IL19: variants seen among roughly 807,000 people sequenced by gnomAD.
The protein encoded by IL19 is interleukin 19.
IL19 carries 15 observed loss-of-function variants against 19.5 expected under a neutral mutation model. That is an observed-to-expected ratio of 0.77 (90% CI 0.52 to 1.19). The LOEUF is 1.19. IL19 is among the 50% of genes most tolerant of loss of function. IL19 has a pLI of 0.00. For missense variants in IL19, 199 were observed against 213.1 expected (o/e 0.93, Z 0.41); for synonymous variants, 78 against 78.3 (o/e 1.00, Z 0.02).
At chr1:206,804,850 C>G (rs1422800597) in intron 2 of IL19, among the ~76,000 whole-genome samples, 2 of 152,212 alleles carry the variant, frequency 1.3e-5, no homozygotes, top group East Asian at 3.8e-4. Flanking sequence ...GCAGCTGTAT[C>G]TTTCAAGGAT....
chr1:206,836,638 C>A (rs1156245160), intron 2 of IL19, 23 bp from the exon 3 acceptor site: 1 of 1,582,504 alleles, frequency 6.3e-7, no homozygotes. Context: ...GGCTGGACAG[C>A]TGACTTCCTC....
chr1:206,773,730 A>G (rs1674921842), intron 1 of IL19, among the ~76,000 whole-genome samples: 1 of 151,984 alleles, frequency 6.6e-6, no homozygotes, highest in South Asian at 2.1e-4. Flanking sequence ...ATATCTGGAA[A>G]GTCTCTGGGG....
chr1:206,834,390 C>T, intron 2 of IL19: 1 of 985,676 alleles, frequency 1.0e-6, no homozygotes, highest in Non-Finnish European at 1.2e-6. Flanking sequence ...CCCGCAAGCA[C>T]CAAGTGAGAG....
chr1:206,783,090 C>G (rs1174563334), intron 1 of IL19, among the ~76,000 whole-genome samples: 3 of 152,136 alleles, frequency 2.0e-5, no homozygotes, highest in South Asian at 4.1e-4. Flanking sequence ...CTCTGGTGAA[C>G]TTAGAAATCA....
intron 1 of IL19, among the ~76,000 whole-genome samples, chr1:206,784,062 A>G (rs923401437): frequency 3.3e-5 from 5 of 152,198 alleles, no homozygotes; most frequent in Admixed American, 6.5e-5. Context: ...TTCAACTCCA[A>G]TATTCTGAGG....
chr1:206,835,701 A>G (rs1482768986), intron 2 of IL19, among the ~76,000 whole-genome samples: 2 of 152,280 alleles, frequency 1.3e-5, no homozygotes, highest in African/African-American at 4.8e-5. Flanking sequence ...TGCAAAGTGC[A>G]TAGCAGAGGG....
intron 5 of IL19, 102 bp downstream of exon 5, chr1:206,840,104 C>G (rs1676954390): frequency 7.6e-7 from 1 of 1,313,194 alleles, no homozygotes; most frequent in African/African-American, 1.4e-5. Context: ...TGCTTGGAGT[C>G]AAAGGAAATT....
intron 2 of IL19, among the ~76,000 whole-genome samples, chr1:206,819,724 CT>C (rs1676247960): frequency 6.6e-6 from 1 of 152,146 alleles, no homozygotes; most frequent in Non-Finnish European, 1.5e-5. Flanking sequence ...TTTTGGATAG[CT>C]TTTTCCTGGG....
chr1:206,817,702 T>C (rs1676193211), intron 2 of IL19, among the ~76,000 whole-genome samples: 1 of 151,754 alleles, frequency 6.6e-6, no homozygotes, highest in Non-Finnish European at 1.5e-5. Context: ...TTAAAGTAGA[T>C]AAAACTTCAC....
At chr1:206,779,676 T>G (rs1675085687) in intron 1 of IL19, among the ~76,000 whole-genome samples, 1 of 152,162 alleles carries the variant, frequency 6.6e-6, no homozygotes, top group Non-Finnish European at 1.5e-5. Context: ...CCACTTTCCC[T>G]CTCTTGGTCA....
chr1:206,813,557 C>T (rs1457919996), intron 2 of IL19, among the ~76,000 whole-genome samples: 2 of 152,180 alleles, frequency 1.3e-5, no homozygotes, highest in Non-Finnish European at 2.9e-5. Context: ...CAAGCAATGC[C>T]TCTTACAGAT....
chr1:206,832,915 C>A (rs971735263), intron 2 of IL19, among the ~76,000 whole-genome samples: 6 of 152,226 alleles, frequency 3.9e-5, no homozygotes, highest in African/African-American at 1.2e-4. Flanking sequence ...AGGCCCTGAT[C>A]TTTCCTGTCC....
intron 2 of IL19, among the ~76,000 whole-genome samples, chr1:206,824,418 G>T (rs1472857521): frequency 2.6e-5 from 4 of 152,248 alleles, no homozygotes; most frequent in African/African-American, 9.6e-5. Flanking sequence ...TGAATGAGAA[G>T]AGTATTGGTG....
intron 1 of IL19, 76 bp downstream of exon 1, chr1:206,771,154 CG>C (rs1175010475): frequency 4.3e-6 from 6 of 1,410,672 alleles, no homozygotes; most frequent in Non-Finnish European, 6.0e-6. Flanking sequence ...TTGGTTCTAG[CG>C]ATCCTCCTTC....
At position 206,810,332 on chromosome 1, in the gene IL19, C is replaced by T. The variant is rs1286675659; in HGVS notation, c.-3+11326C>T. 2.6e-5 allele frequency among the ~76,000 whole-genome samples: 4 copies of T among 152,106 alleles called. No homozygotes were observed. In the South Asian group the frequency reaches 8.3e-4, roughly 32 times the overall value. ...GACTAAACCTTGGACTCAATGGTGG[C>T]ATATGTTCAATAAGGCTGGAATGCC... On this transcript the variant is annotated intron_variant, in intron 2 of 6. Coordinates refer to ENST00000659997, the MANE Select transcript of IL19 (RefSeq NM_153758.5).
chr1:206,789,032 A>G (rs140721831), intron 1 of IL19, among the ~76,000 whole-genome samples: 50 of 152,348 alleles, frequency 3.3e-4, no homozygotes, highest in Middle Eastern at 3.4e-3. Flanking sequence ...GTTTCCACCA[A>G]TAATCAGATA....
intron 2 of IL19, among the ~76,000 whole-genome samples, chr1:206,804,931 G>A (rs577115068): frequency 6.6e-6 from 1 of 152,306 alleles, no homozygotes; most frequent in African/African-American, 2.4e-5. Flanking sequence ...GAATCCACCA[G>A]ACTCCTTCCT....
At chr1:206,834,069 T>C in intron 2 of IL19, 1 of 985,548 alleles carries the variant, frequency 1.0e-6, no homozygotes, top group Non-Finnish European at 1.2e-6. Context: ...CTAAGTTGGA[T>C]TTTTCTGCAT....
intron 2 of IL19, among the ~76,000 whole-genome samples, chr1:206,814,586 C>T (rs1055053912): frequency 1.3e-5 from 2 of 150,876 alleles, no homozygotes; most frequent in South Asian, 2.1e-4. Context: ...CCCAGCTACT[C>T]GAGGGGCTGA....
Sources: gnomAD v4.1 joint callset for allele counts (sites outside exome capture counted in the v4.1 genomes callset) on GRCh38, gnomAD v4.1.1 for gene constraint, MANE v1.5 for transcripts, NCBI Gene and HGNC (gene_info 2026-07-23, HGNC 2026-07-21) for gene names.